Variants in LRP1B observed in about 807,000 individuals in gnomAD.
LRP1B encodes the protein LDL receptor related protein 1B.
A neutral mutation model predicts 556.6 loss-of-function variants in LRP1B; 217 were observed. That is an observed-to-expected ratio of 0.39 (90% CI 0.35 to 0.44). The LOEUF (loss-of-function observed/expected upper bound fraction) is 0.44. Ranked by LOEUF, LRP1B falls within the 20% of genes least tolerant of loss-of-function variation. LRP1B has a pLI of 1.00. For synonymous variants in LRP1B, 2,047 were observed against 1,865.8 expected (o/e 1.10, Z -2.50); for missense variants, 5,053 against 5,620.8 (o/e 0.90, Z 3.23).
chr2:141,231,600 T>C (rs746195589), intron 5 of LRP1B, among the ~76,000 whole-genome samples: 2 of 150,368 alleles, frequency 1.3e-5, no homozygotes, highest in African/African-American at 4.9e-5. Flanking sequence ...CCTTAGCACA[T>C]TCCCCCCACC....
intron 1 of LRP1B, among the ~76,000 whole-genome samples, chr2:142,023,728 AG>A (rs1703417090): frequency 6.6e-6 from 1 of 152,206 alleles, no homozygotes; most frequent in African/African-American, 2.4e-5. Context: ...CACAATGTGA[AG>A]CTGATGGAAA....
chr2:141,241,320 G>A (rs1368801220), intron 5 of LRP1B, among the ~76,000 whole-genome samples: 2 of 152,078 alleles, frequency 1.3e-5, no homozygotes, highest in Non-Finnish European at 2.9e-5. Flanking sequence ...AATTTCTGTA[G>A]TACAGAGGCT....
intron 1 of LRP1B, among the ~76,000 whole-genome samples, chr2:141,932,252 AC>A (rs1700529478): frequency 6.6e-6 from 1 of 152,044 alleles, no homozygotes; most frequent in Non-Finnish European, 1.5e-5. Context: ...AAAAACTGTT[AC>A]TTTTTATGCA....
chr2:141,932,034 C>G (rs543795484), intron 1 of LRP1B, among the ~76,000 whole-genome samples: 2 of 152,044 alleles, frequency 1.3e-5, no homozygotes, highest in East Asian at 3.9e-4. Context: ...AGCAAAGACA[C>G]AGCAGGTGGA....
intron 31 of LRP1B, among the ~76,000 whole-genome samples, chr2:140,834,257 G>C (rs528151258): frequency 6.6e-6 from 1 of 151,986 alleles, no homozygotes; most frequent in African/African-American, 2.4e-5. Context: ...ATTATTTTTT[G>C]AGACGGAGTC....
chr2:141,508,473 C>T (rs556127675), intron 2 of LRP1B, among the ~76,000 whole-genome samples: 15 of 152,222 alleles, frequency 9.9e-5, no homozygotes, highest in African/African-American at 3.4e-4. Flanking sequence ...CCATTCTTTC[C>T]AGTGTATAAA....
At chr2:142,089,496 G>C (rs1706079227) in intron 1 of LRP1B, among the ~76,000 whole-genome samples, 1 of 152,184 alleles carries the variant, frequency 6.6e-6, no homozygotes, top group South Asian at 2.1e-4. Context: ...GGGAATAAAA[G>C]TATCCCATGC....
At chr2:141,207,194 C>G (rs1158739195) in intron 6 of LRP1B, among the ~76,000 whole-genome samples, 1 of 152,196 alleles carries the variant, frequency 6.6e-6, no homozygotes, top group African/African-American at 2.4e-5. Flanking sequence ...TATTAAACCA[C>G]TTCCTGATTT....
At chr2:141,816,197 T>G (rs1223403548) in intron 1 of LRP1B, among the ~76,000 whole-genome samples, 2 of 152,158 alleles carry the variant, frequency 1.3e-5, no homozygotes, top group Non-Finnish European at 2.9e-5. Context: ...GCTAATACTG[T>G]CAACTTGATT....
chr2:141,391,349 C>A (rs1355276392), intron 3 of LRP1B, among the ~76,000 whole-genome samples: 2 of 151,998 alleles, frequency 1.3e-5, no homozygotes, highest in African/African-American at 4.8e-5. Flanking sequence ...AGAAGTAATA[C>A]GTAACCGGAG....
At chr2:141,940,640 T>C (rs1005901294) in intron 1 of LRP1B, among the ~76,000 whole-genome samples, 3 of 152,188 alleles carry the variant, frequency 2.0e-5, no homozygotes, top group Admixed American at 2.0e-4. Context: ...AGAATTTGAA[T>C]ATATGTGTAT....
intron 6 of LRP1B, among the ~76,000 whole-genome samples, chr2:141,212,249 ATTTTTTTTTTTTTTTTTTTTTTTT>A (rs59699046): frequency 2.0e-3 from 125 of 62,250 alleles, no homozygotes; most frequent in East Asian, 5.5e-3. Flanking sequence ...AAAAGTCTAG[ATTTTTTTTTTTTTTTTTTTTTTTT>A]TTTTTTTTTT....
chr2:140,257,813 A>G (rs1446999106), intron 86 of LRP1B, among the ~76,000 whole-genome samples: 2 of 152,152 alleles, frequency 1.3e-5, no homozygotes, highest in South Asian at 2.1e-4. Context: ...GAATTGCTCA[A>G]TATCCCTGCC....
chr2:141,412,441 AAGG>A (rs1390177453), intron 3 of LRP1B, among the ~76,000 whole-genome samples: 30 of 152,208 alleles, frequency 2.0e-4, no homozygotes, highest in Admixed American at 5.9e-4. Context: ...GTAACTTTTT[AAGG>A]AGAAGCACAT....
chr2:140,750,910 C>G (rs1688552643), intron 35 of LRP1B, among the ~76,000 whole-genome samples: 1 of 151,764 alleles, frequency 6.6e-6, no homozygotes, highest in African/African-American at 2.4e-5. Flanking sequence ...TCCCAGTAAA[C>G]TGAAACCACT....
chr2:140,620,643 G>T (rs533856183), intron 41 of LRP1B, among the ~76,000 whole-genome samples: 69 of 152,132 alleles, frequency 4.5e-4, no homozygotes, highest in African/African-American at 1.6e-3. Flanking sequence ...ATGATGTTCT[G>T]TAAAGTAAGT....
intron 1 of LRP1B, among the ~76,000 whole-genome samples, chr2:142,075,965 G>T (rs1705483211): frequency 6.6e-6 from 1 of 152,172 alleles, no homozygotes; most frequent in Middle Eastern, 3.4e-3. Flanking sequence ...TCAATTAAGG[G>T]TTTAATTCTC....
At chr2:140,701,993 C>T (rs981481023) in intron 39 of LRP1B, 148 bp from the exon 40 acceptor site, 58 of 1,297,262 alleles carry the variant, frequency 4.5e-5, no homozygotes, top group Non-Finnish European at 6.1e-5. Context: ...CTTGGAATAG[C>T]AAGAGTACCT....
chr2:140,486,178 G>A (rs1688463301), intron 58 of LRP1B, among the ~76,000 whole-genome samples: 1 of 151,918 alleles, frequency 6.6e-6, no homozygotes, highest in Admixed American at 6.6e-5. Context: ...CTGGCATTCT[G>A]AATTCCCAGT....
Sources: allele counts gnomAD v4.1 joint callset (sites outside exome capture counted in the v4.1 genomes callset), GRCh38; gene constraint gnomAD v4.1.1; transcripts MANE v1.5; gene names NCBI Gene and HGNC (gene_info 2026-07-23, HGNC 2026-07-21).